MAPK10: variants seen among roughly 807,000 people sequenced by gnomAD.
MAPK10 encodes JNK3 alpha protein kinase.
A neutral mutation model predicts 59.3 loss-of-function variants in MAPK10; 25 were observed. That is an observed-to-expected ratio of 0.42 (90% CI 0.31 to 0.59). The LOEUF (loss-of-function observed/expected upper bound fraction) is 0.59. Among genes scored for constraint, MAPK10 ranks in the 20% least tolerant of loss-of-function variants. The pLI is 0.15. For missense variants in MAPK10, 351 were observed against 568.9 expected, an observed-to-expected ratio of 0.62 and a Z score of 3.90; for synonymous variants, 190 against 200.5, an observed-to-expected ratio of 0.95 and a Z score of 0.44.
chr4:86,192,773 G>A (rs1354144248), intron 3 of MAPK10: 1 of 151,932 alleles, frequency 6.6e-6, no homozygotes, highest in Non-Finnish European at 1.5e-5. Context: ...GCCTACTTCT[G>A]TCAATTCGTC....
Position 86,251,330 on chromosome 4 carries a change from C to T in MAPK10, c.-6-56923G>A, listed in dbSNP as rs931201931. 2.0e-5 allele frequency among the ~76,000 whole-genome samples: 3 copies of T among 152,026 alleles called. No individual in the cohort carries two copies. In the South Asian group the frequency reaches 6.2e-4, roughly 32 times the overall value. On this transcript the variant is annotated intron_variant, in intron 2 of 13. Coordinates refer to ENST00000641462, the MANE Select transcript of MAPK10 (RefSeq NM_138982.4). ...ACCAATGCTATCCCTCCCCCCTCCT[C>T]CCTCCCCACCACAGTCCCCAGAGTG...
chr4:86,402,565 C>T (rs72868838), intron 1 of MAPK10, among the ~76,000 whole-genome samples: 72 of 152,134 alleles, frequency 4.7e-4, no homozygotes, highest in African/African-American at 1.7e-3. Flanking sequence ...TATGTTATTC[C>T]AGGTTTTCTT....
At chr4:86,176,551 G>A (rs762330731) in intron 3 of MAPK10, among the ~76,000 whole-genome samples, 12 of 151,950 alleles carry the variant, frequency 7.9e-5, no homozygotes, top group Non-Finnish European at 1.6e-4. Context: ...TAATTATCAC[G>A]GAACTGAACC....
chr4:86,181,665 T>C (rs1467360538), intron 3 of MAPK10, among the ~76,000 whole-genome samples: 1 of 152,106 alleles, frequency 6.6e-6, no homozygotes, highest in Non-Finnish European at 1.5e-5. Context: ...CCTCTTTCAT[T>C]GAATATTTTC....
intron 1 of MAPK10, among the ~76,000 whole-genome samples, chr4:86,421,362 A>G (rs1205050700): frequency 6.6e-6 from 1 of 152,176 alleles, no homozygotes; most frequent in Admixed American, 6.5e-5. Context: ...ATTCTCTAAA[A>G]AATAAGTAAA....
chr4:86,319,466 C>T (rs993784867), intron 2 of MAPK10, among the ~76,000 whole-genome samples: 1 of 152,144 alleles, frequency 6.6e-6, no homozygotes, highest in Non-Finnish European at 1.5e-5. Flanking sequence ...CTAAGTCATT[C>T]CATTGTAAAA....
intron 2 of MAPK10, among the ~76,000 whole-genome samples, chr4:86,331,887 A>T (rs2096163688): frequency 6.6e-6 from 1 of 152,192 alleles, no homozygotes; most frequent in African/African-American, 2.4e-5. Flanking sequence ...TTAGAAGGAA[A>T]AAAAAAGCTG....
chr4:86,440,546 T>C (rs1299576630), intron 1 of MAPK10, among the ~76,000 whole-genome samples: 1 of 151,738 alleles, frequency 6.6e-6, no homozygotes, highest in Non-Finnish European at 1.5e-5. Flanking sequence ...TGGGAGATTG[T>C]TTGAGCCCAG....
intron 9 of MAPK10, among the ~76,000 whole-genome samples, chr4:86,091,794 C>T (rs2149051336): frequency 6.6e-6 from 1 of 152,072 alleles, no homozygotes; most frequent in Admixed American, 6.6e-5. Context: ...TTGCATCAGC[C>T]TCCCTAGTAG....
At chr4:86,447,829 T>C (rs1750220319) in intron 1 of MAPK10, among the ~76,000 whole-genome samples, 1 of 152,210 alleles carries the variant, frequency 6.6e-6, no homozygotes, top group South Asian at 2.1e-4. Context: ...ATCTAGATTA[T>C]CAGTATAATA....
At chr4:86,300,234 A>G (rs1361395125) in intron 2 of MAPK10, among the ~76,000 whole-genome samples, 1 of 152,170 alleles carries the variant, frequency 6.6e-6, no homozygotes, top group East Asian at 1.9e-4. Context: ...TCATTAGTTT[A>G]TATTTGTAAA....
chr4:86,219,216 A>T (rs955785203), intron 2 of MAPK10, among the ~76,000 whole-genome samples: 1 of 152,118 alleles, frequency 6.6e-6, no homozygotes, highest in African/African-American at 2.4e-5. Flanking sequence ...TTGGGGGCAG[A>T]TTTCTCAGAC....
intron 9 of MAPK10, chr4:86,090,211 G>C (rs1039927698): frequency 1.3e-5 from 2 of 151,318 alleles, no homozygotes; most frequent in East Asian, 3.9e-4. Context: ...ATTCTTGTGG[G>C]GGGAAAAATA....
chr4:86,352,080 T>G (rs1053765556), intron 2 of MAPK10: 1 of 152,156 alleles, frequency 6.6e-6, no homozygotes, highest in Non-Finnish European at 1.5e-5. Flanking sequence ...GAGTTTCTCA[T>G]ATACTGCTGC....
chr4:86,338,971 TA>T (rs34885616), intron 2 of MAPK10, among the ~76,000 whole-genome samples: 110,855 of 151,314 alleles, frequency 0.73, 41,109 homozygotes, highest in South Asian at 0.9. Context: ...TTTTGTAGAT[TA>T]AAAAAAAAAC....
chr4:86,195,737 A>G (rs1174207682), intron 2 of MAPK10, among the ~76,000 whole-genome samples: 1 of 152,070 alleles, frequency 6.6e-6, no homozygotes, highest in Non-Finnish European at 1.5e-5. Context: ...CCACCCTGAC[A>G]GGCCCCTGTG....
intron 1 of MAPK10, among the ~76,000 whole-genome samples, chr4:86,411,074 G>A (rs1322829010): frequency 1.3e-5 from 2 of 152,200 alleles, no homozygotes; most frequent in Non-Finnish European, 2.9e-5. Context: ...TGCTTTAAAT[G>A]TGTCCCAGAG....
In MAPK10 at chr4:86,014,303, G is replaced by GTGTGTGTGTGTGT. The variant is rs1553900779; in HGVS notation, c.*2924_*2925insACACACACACACA. ...AGGTGACTATTTAAGAAATATTTGG[G>GTGTGTGTGTGTGT]GTGTGTGTGTGTGTGTGTGTGTGTG... On this transcript the variant is annotated 3_prime_UTR_variant, in exon 14 of 14. Coordinates refer to ENST00000641462, the MANE Select transcript of MAPK10 (RefSeq NM_138982.4). 1 of 143,892 alleles carries GTGTGTGTGTGTGT rather than the reference G, an allele frequency of 6.9e-6. No homozygotes were observed. The highest frequency in any genetic ancestry group is 1.5e-5 in the Non-Finnish European group (1 of 65,940). The allele number at this position is 143,892 out of a possible 1,614,324, so 8.9% of individuals were successfully genotyped here.
At chr4:86,385,092 CT>C (rs2149004155) in intron 1 of MAPK10, among the ~76,000 whole-genome samples, 2 of 152,124 alleles carry the variant, frequency 1.3e-5, no homozygotes, top group South Asian at 4.1e-4. Flanking sequence ...ACAGAAAACA[CT>C]TTTTTTCATA....
Sources: gnomAD v4.1 joint callset for allele counts (sites outside exome capture counted in the v4.1 genomes callset) on GRCh38, gnomAD v4.1.1 for gene constraint, MANE v1.5 for transcripts, NCBI Gene and HGNC (gene_info 2026-07-23, HGNC 2026-07-21) for gene names.